The following SIMC1 variants were observed in gnomAD, a reference collection of about 807,000 sequenced individuals.
The protein encoded by SIMC1 is SUMO-interacting motif-containing protein 1.
In SIMC1, 55 loss-of-function variants were observed where a neutral mutation model predicts 82.3. The observed-to-expected ratio is 0.67, with a 90% CI of 0.54 to 0.84. The LOEUF is 0.84. SIMC1 is among the 40% of genes least tolerant of loss of function. SIMC1 has a pLI of 0.00. For synonymous variants in SIMC1, 353 were observed against 426.3 expected, an observed-to-expected ratio of 0.83 and a Z score of 2.12; for missense variants, 915 against 1,107.2, an observed-to-expected ratio of 0.83 and a Z score of 2.46.
chr5:176,334,597 C>T (rs1210757366), intron 7 of SIMC1, among the ~76,000 whole-genome samples: 1 of 152,170 alleles, frequency 6.6e-6, no homozygotes, highest in Non-Finnish European at 1.5e-5. Context: ...GGTTCCCTTA[C>T]ACACATTTCC....
At chr5:176,256,756 AT>A (rs1433111730) in intron 1 of SIMC1, among the ~76,000 whole-genome samples, 29 of 147,528 alleles carry the variant, frequency 2.0e-4, no homozygotes, top group Middle Eastern at 3.4e-3. Context: ...TATTTGTAAC[AT>A]TTTTTTTTTT....
At chr5:176,328,481 G>A (rs2113385382) in intron 7 of SIMC1, among the ~76,000 whole-genome samples, 1 of 152,098 alleles carries the variant, frequency 6.6e-6, no homozygotes, top group South Asian at 2.1e-4. Context: ...GCCTTTTTGT[G>A]TGGCTGTAAA....
intron 4 of SIMC1, among the ~76,000 whole-genome samples, chr5:176,297,553 CAA>C (rs1334119963): frequency 1.1e-5 from 1 of 91,694 alleles, no homozygotes; most frequent in Non-Finnish European, 2.3e-5. Flanking sequence ...CTGTAATAAA[CAA>C]AGACAGCTAG....
At chr5:176,339,036 CTG>C (rs1421727603) in intron 9 of SIMC1, among the ~76,000 whole-genome samples, 1 of 152,200 alleles carries the variant, frequency 6.6e-6, no homozygotes, top group Non-Finnish European at 1.5e-5. Flanking sequence ...AGGGTCTTCT[CTG>C]TGTTTCAGAC....
chr5:176,304,950 C>T (rs1388011781), intron 4 of SIMC1, among the ~76,000 whole-genome samples: 1 of 119,488 alleles, frequency 8.4e-6, no homozygotes, highest in East Asian at 2.8e-4. Context: ...CTCTGCCTGG[C>T]AACCACCCCG....
chr5:176,335,352 C>T (rs1299338250), intron 7 of SIMC1, among the ~76,000 whole-genome samples: 2 of 146,926 alleles, frequency 1.4e-5, no homozygotes, highest in Non-Finnish European at 3.0e-5. Context: ...TCTTGGCTCA[C>T]TGCAACCTCG....
chr5:176,269,386 T>C (rs1223989025), intron 1 of SIMC1, among the ~76,000 whole-genome samples: 14 of 146,364 alleles, frequency 9.6e-5, no homozygotes, highest in African/African-American at 3.5e-4. Flanking sequence ...TAGGAAATAT[T>C]ATGAACAATT....
chr5:176,269,473 A>T (rs1212463870), intron 1 of SIMC1, among the ~76,000 whole-genome samples: 10 of 152,262 alleles, frequency 6.6e-5, no homozygotes, highest in Admixed American at 6.5e-4. Context: ...ACAAGAAGGC[A>T]GATAAAATAT....
At chr5:176,242,787 A>C (rs1192656004) in intron 1 of SIMC1, among the ~76,000 whole-genome samples, 1 of 152,032 alleles carries the variant, frequency 6.6e-6, no homozygotes, top group African/African-American at 2.4e-5. Context: ...AACACTTATT[A>C]TATACCAGGC....
At chr5:176,245,581 AT>A (rs1336638962) in intron 1 of SIMC1, among the ~76,000 whole-genome samples, 1 of 152,066 alleles carries the variant, frequency 6.6e-6, no homozygotes, top group Non-Finnish European at 1.5e-5. Context: ...GAAGTTTTAC[AT>A]TTTTATATAG....
intron 1 of SIMC1, among the ~76,000 whole-genome samples, chr5:176,269,296 T>C (rs1437557549): frequency 6.6e-6 from 1 of 152,194 alleles, no homozygotes; most frequent in East Asian, 1.9e-4. Context: ...TGATCAGGGA[T>C]TTAAAAAATG....
At chr5:176,309,926 C>T (rs1433513160) in intron 4 of SIMC1, among the ~76,000 whole-genome samples, 2 of 152,006 alleles carry the variant, frequency 1.3e-5, no homozygotes, top group Non-Finnish European at 1.5e-5. Flanking sequence ...CAGAGTGAGG[C>T]CTTGTCTCAA....
At chr5:176,288,423 G>GAATA (rs150243423) in intron 1 of SIMC1, among the ~76,000 whole-genome samples, 10,100 of 126,708 alleles carry the variant, frequency 0.08, 696 homozygotes, top group African/African-American at 0.2. Context: ...ATGAATGAAT[G>GAATA]AATAAATAAA....
At chr5:176,253,913 T>C (rs1286428139) in intron 1 of SIMC1, among the ~76,000 whole-genome samples, 1 of 152,222 alleles carries the variant, frequency 6.6e-6, no homozygotes, top group Non-Finnish European at 1.5e-5. Context: ...TTTGAATCAA[T>C]TGAATAAATC....
intron 1 of SIMC1, among the ~76,000 whole-genome samples, chr5:176,259,280 A>G (rs768898842): frequency 5.3e-5 from 8 of 151,994 alleles, no homozygotes; most frequent in African/African-American, 4.8e-5. Flanking sequence ...AGCCTCGACA[A>G]TATGGTAAAG....
At chr5:176,326,883 G>T (rs536382470) in intron 7 of SIMC1, among the ~76,000 whole-genome samples, 2 of 152,272 alleles carry the variant, frequency 1.3e-5, no homozygotes, top group East Asian at 3.9e-4. Context: ...TCTATTTAAT[G>T]AATAAGAAAA....
At chr5:176,331,240 G>A (rs1765648117) in intron 7 of SIMC1, among the ~76,000 whole-genome samples, 1 of 152,008 alleles carries the variant, frequency 6.6e-6, no homozygotes, top group South Asian at 2.1e-4. Context: ...CATGGTGGCA[G>A]GCCCCTGTAG....
chr5:176,308,953 T>A (rs1764542899), intron 4 of SIMC1: 3 of 1,005,716 alleles, frequency 3.0e-6, no homozygotes, highest in Admixed American at 3.4e-5. Context: ...ACCAATAGCA[T>A]TTGCAGGAAT....
intron 1 of SIMC1, among the ~76,000 whole-genome samples, chr5:176,268,512 A>G (rs1762293832): frequency 6.7e-6 from 1 of 149,978 alleles, no homozygotes; most frequent in Non-Finnish European, 1.5e-5. Flanking sequence ...AGTATGCACA[A>G]GAAATTTGTA....
Sources: allele counts gnomAD v4.1 joint callset (sites outside exome capture counted in the v4.1 genomes callset), GRCh38; gene constraint gnomAD v4.1.1; transcripts MANE v1.5; gene names NCBI Gene and HGNC (gene_info 2026-07-23, HGNC 2026-07-21).